The following PTPRD variants were observed in gnomAD, a reference collection of about 807,000 sequenced individuals.
PTPRD encodes the protein protein tyrosine phosphatase receptor type D.
PTPRD carries 34 observed loss-of-function variants against 214.5 expected under a neutral mutation model. The ratio of observed to expected loss-of-function variants is 0.16; its 90% confidence interval spans 0.12 to 0.21. The LOEUF is 0.21. Ranked by LOEUF, PTPRD falls within the 10% of genes least tolerant of loss-of-function variation. PTPRD has a pLI of 1.00. For missense variants in PTPRD, 2,545 were observed against 2,398.7 expected (o/e 1.06, Z -1.27); for synonymous variants, 1,128 against 845.7 (o/e 1.33, Z -5.79).
At chr9:9,019,419 G>A (rs17587778) in intron 10 of PTPRD, among the ~76,000 whole-genome samples, 48,425 of 152,014 alleles carry the variant, frequency 0.32, 8,289 homozygotes, top group Non-Finnish European at 0.39. Flanking sequence ...ATACCTCGAA[G>A]TTTGGCTGGG....
chr9:9,181,426 T>C (rs2099928137), intron 10 of PTPRD, among the ~76,000 whole-genome samples: 1 of 151,856 alleles, frequency 6.6e-6, no homozygotes, highest in Non-Finnish European at 1.5e-5. Context: ...CCTGTTTCCA[T>C]TTTCAAACCT....
At position 8,317,524 on chromosome 9, in the gene PTPRD, T is replaced by C; in HGVS notation, c.*350A>G. On this transcript the variant is annotated 3_prime_UTR_variant, in exon 46 of 46. Transcript: ENST00000381196. ...CATATCTTGTGCTGAACTGCAGCAT[T>C]CTGGCAATTTCTCCTTGCACCTTTC... 1 of 274,362 alleles carries C rather than the reference T, an allele frequency of 3.6e-6. No individual in the cohort carries two copies. Among genetic ancestry groups the C allele is most frequent in the South Asian group, 9.4e-5 (1 of 10,594 alleles). 17.0% of individuals were successfully genotyped at this position (274,362 alleles called of 1,614,324 possible).
chr9:10,125,666 T>G (rs2098813633), intron 3 of PTPRD, among the ~76,000 whole-genome samples: 1 of 144,100 alleles, frequency 6.9e-6, no homozygotes, highest in African/African-American at 2.6e-5. Flanking sequence ...GTATTTTTAG[T>G]AGAGACGGGG....
intron 11 of PTPRD, among the ~76,000 whole-genome samples, chr9:8,950,028 T>G (rs1461466255): frequency 6.6e-6 from 1 of 152,172 alleles, no homozygotes; most frequent in Non-Finnish European, 1.5e-5. Flanking sequence ...TTGCCCATGT[T>G]AATTCATCAA....
intron 2 of PTPRD, among the ~76,000 whole-genome samples, chr9:10,511,048 T>C (rs935062967): frequency 4.6e-5 from 7 of 152,150 alleles, no homozygotes; most frequent in African/African-American, 1.7e-4. Flanking sequence ...TACATGTTAT[T>C]GTAAATGTAC....
At chr9:8,509,571 C>A (rs773639533) in intron 21 of PTPRD, among the ~76,000 whole-genome samples, 3 of 152,160 alleles carry the variant, frequency 2.0e-5, no homozygotes, top group African/African-American at 7.2e-5. Context: ...ATAATAATTG[C>A]TTGTTACGCA....
chr9:10,487,966 G>GTCTCTCTCTC (rs56372955), intron 2 of PTPRD, among the ~76,000 whole-genome samples: 9,730 of 110,112 alleles, frequency 0.088, 1,000 homozygotes, highest in Middle Eastern at 0.11. Flanking sequence ...AATGAACACA[G>GTCTCTCTCTC]TCTCTCTCTC....
chr9:10,466,623 C>CAAA (rs66705572), intron 2 of PTPRD, among the ~76,000 whole-genome samples: 23 of 76,870 alleles, frequency 3.0e-4, no homozygotes, highest in African/African-American at 1.2e-3. Flanking sequence ...AACTCCAACT[C>CAAA]AAAAAAAAAA....
intron 10 of PTPRD, among the ~76,000 whole-genome samples, chr9:9,072,360 C>CA (rs2099745030): frequency 6.6e-6 from 1 of 150,742 alleles, no homozygotes; most frequent in African/African-American, 2.4e-5. Flanking sequence ...CCAGAATAAA[C>CA]AGAGCATTGT....
Position 8,929,556 on chromosome 9 carries a change from A to G in PTPRD, c.-104+89141T>C, listed in dbSNP as rs541649815. Among the ~76,000 whole-genome samples, 5 of 151,736 alleles carry G rather than the reference A, an allele frequency of 3.3e-5. No individual in the cohort carries two copies. The East Asian group carries it at 7.8e-4, about 24-fold the overall frequency. On this transcript the variant is annotated intron_variant, in intron 11 of 45. Transcript: ENST00000381196. ...TATGAAGCCGACTTGATCGTGGTAG[A>G]TAAGCTTTTTGATGTGCTGCTGGAT...
rs140791801 is a variant in PTPRD, at chr9:9,573,487, C to T, written c.-237+1245G>A. On this transcript the variant is annotated intron_variant, in intron 8 of 45. Coordinates refer to ENST00000381196, the MANE Select transcript of PTPRD (RefSeq NM_002839.4). ...ATTTTGTAACAATTCACTAAAACTGCGCACTTAAGATATAAGTAATTTTCT... is the reference window on the plus strand; with the variant it reads ...ATTTTGTAACAATTCACTAAAACTGTGCACTTAAGATATAAGTAATTTTCT... 8.8e-3 allele frequency among the ~76,000 whole-genome samples: 1,329 copies of T among 150,658 alleles called. 5 individuals carry two copies. The highest frequency in any genetic ancestry group is 0.014 in the African/African-American group (593 of 41,166).
chr9:10,425,043 G>C (rs2154518142), intron 2 of PTPRD, among the ~76,000 whole-genome samples: 1 of 151,920 alleles, frequency 6.6e-6, no homozygotes, highest in African/African-American at 2.4e-5. Flanking sequence ...TATATATAGG[G>C]TTTATAGTTT....
At chr9:10,585,363 C>T (rs1268753705) in intron 2 of PTPRD, among the ~76,000 whole-genome samples, 1 of 151,964 alleles carries the variant, frequency 6.6e-6, no homozygotes, top group African/African-American at 2.4e-5. Context: ...TTTACATGCT[C>T]TTCTAAATCT....
At chr9:8,659,166 C>T (rs929543112) in intron 12 of PTPRD, among the ~76,000 whole-genome samples, 5 of 152,112 alleles carry the variant, frequency 3.3e-5, no homozygotes, top group Non-Finnish European at 5.9e-5. Context: ...AATTATGCCT[C>T]TCAGATGCAT....
chr9:8,647,601 T>C (rs1052677438), intron 12 of PTPRD, among the ~76,000 whole-genome samples: 2 of 152,240 alleles, frequency 1.3e-5, no homozygotes, highest in African/African-American at 2.4e-5. Flanking sequence ...TTTGTAATCA[T>C]ATCTTTGCAC....
intron 11 of PTPRD, among the ~76,000 whole-genome samples, chr9:8,946,942 C>G (rs2099068501): frequency 6.7e-6 from 1 of 150,314 alleles, no homozygotes; most frequent in Admixed American, 6.6e-5. Flanking sequence ...GTCTGTCTGC[C>G]TCTGCATCTC....
chr9:8,894,429 A>G (rs1209406438), intron 11 of PTPRD, among the ~76,000 whole-genome samples: 3 of 146,878 alleles, frequency 2.0e-5, no homozygotes, highest in Admixed American at 6.9e-5. Flanking sequence ...AAGGTTGGGC[A>G]AATGAAACCA....
chr9:10,028,113 A>G lies in PTPRD; in HGVS notation c.-472+5605T>C, dbSNP rs558223018. ...GGCGGGTCTTTCTTGTGCTGTTCTTATGATTGTGATAAGTCTCACAAGATC... is the reference window on the plus strand; with the variant it reads ...GGCGGGTCTTTCTTGTGCTGTTCTTGTGATTGTGATAAGTCTCACAAGATC... On this transcript the variant is annotated intron_variant, in intron 4 of 45. Transcript: ENST00000381196. Among the ~76,000 whole-genome samples, 124 of 152,218 alleles carry G rather than the reference A, an allele frequency of 8.1e-4. 1 individual carries two copies. In the South Asian group the frequency reaches 0.012, roughly 15 times the overall value.
At chr9:9,818,372 T>C (rs2049469803) in intron 5 of PTPRD, among the ~76,000 whole-genome samples, 1 of 152,156 alleles carries the variant, frequency 6.6e-6, no homozygotes, top group African/African-American at 2.4e-5. Context: ...GTGTTTCTTC[T>C]GCTCATTAAC....
Sources: gnomAD v4.1 joint callset for allele counts (sites outside exome capture counted in the v4.1 genomes callset) on GRCh38, gnomAD v4.1.1 for gene constraint, MANE v1.5 for transcripts, NCBI Gene and HGNC (gene_info 2026-07-23, HGNC 2026-07-21) for gene names.